KAZN: variants seen among roughly 807,000 people sequenced by gnomAD.
The protein encoded by KAZN is kazrin, periplakin interacting protein.
In KAZN, 40 loss-of-function variants were observed where a neutral mutation model predicts 87.4. That is an observed-to-expected ratio of 0.46 (90% CI 0.36 to 0.60). The LOEUF (loss-of-function observed/expected upper bound fraction) is 0.60, where lower values mean the gene tolerates loss of function less well. KAZN is among the 20% of genes least tolerant of loss of function. The probability of loss-of-function intolerance (pLI) is 0.00; values close to 1 mark genes in which losing one functional copy is unlikely to be tolerated. For missense variants in KAZN, 898 were observed against 1,073.9 expected, an observed-to-expected ratio of 0.84 and a Z score of 2.29; for synonymous variants, 466 against 458.3, an observed-to-expected ratio of 1.02 and a Z score of -0.22.
At chr1:14,199,545 C>T (rs767929345) in intron 2 of KAZN, among the ~76,000 whole-genome samples, 12 of 152,224 alleles carry the variant, frequency 7.9e-5, no homozygotes, top group Non-Finnish European at 1.8e-4. Context: ...CTGGGTTGCA[C>T]CCTCCTTGAG....
intron 1 of KAZN, among the ~76,000 whole-genome samples, chr1:13,902,154 G>A (rs1026004302): frequency 6.6e-6 from 1 of 152,268 alleles, no homozygotes; most frequent in Non-Finnish European, 1.5e-5. Flanking sequence ...GATTTGGTGA[G>A]ATAATGGGGG....
chr1:14,153,122 T>C (rs1645513185), intron 1 of KAZN, among the ~76,000 whole-genome samples: 1 of 152,222 alleles, frequency 6.6e-6, no homozygotes, highest in Non-Finnish European at 1.5e-5. Context: ...AGTTTGTAAA[T>C]ATCGTCTCCC....
chr1:13,914,743 CA>C (rs1378638356), intron 1 of KAZN, among the ~76,000 whole-genome samples: 1 of 152,162 alleles, frequency 6.6e-6, no homozygotes, highest in Non-Finnish European at 1.5e-5. Flanking sequence ...TTTGGAAGGC[CA>C]AATTGGGAGG....
At chr1:13,931,653 A>G (rs1259090050) in intron 1 of KAZN, among the ~76,000 whole-genome samples, 2 of 149,742 alleles carry the variant, frequency 1.3e-5, no homozygotes, top group Non-Finnish European at 3.0e-5. Flanking sequence ...GTGGATAATC[A>G]AAAACATGGC....
intron 1 of KAZN, among the ~76,000 whole-genome samples, chr1:14,768,109 C>A (rs1644931772): frequency 6.6e-6 from 1 of 152,166 alleles, no homozygotes; most frequent in Admixed American, 6.5e-5. Flanking sequence ...AGTCCAAGAT[C>A]AACTCTCACT....
chr1:15,048,535 G>A (rs1673842454), intron 4 of KAZN, among the ~76,000 whole-genome samples: 1 of 152,212 alleles, frequency 6.6e-6, no homozygotes, highest in South Asian at 2.1e-4. Flanking sequence ...CATGGCCAGA[G>A]CCAGCGTTGA....
At chr1:14,025,219 G>T (rs542023209) in intron 1 of KAZN, among the ~76,000 whole-genome samples, 2 of 152,308 alleles carry the variant, frequency 1.3e-5, no homozygotes, top group East Asian at 3.9e-4. Flanking sequence ...AACAGTCACC[G>T]CTAGAGTCTT....
At chr1:14,810,443 C>T (rs991006985) in intron 1 of KAZN, among the ~76,000 whole-genome samples, 4 of 152,150 alleles carry the variant, frequency 2.6e-5, no homozygotes, top group African/African-American at 9.7e-5. Flanking sequence ...AGCCCCCAGC[C>T]ATTGTTTGGC....
chr1:14,587,169 C>T (rs1219163064), intron 2 of KAZN, among the ~76,000 whole-genome samples: 1 of 152,156 alleles, frequency 6.6e-6, no homozygotes, highest in Non-Finnish European at 1.5e-5. Flanking sequence ...GGCGCGGTGG[C>T]TCATGCCTGT....
rs571655140 is a variant in KAZN, at chr1:14,401,826, TAAAAC to T, written c.250-197156_250-197152del. Among the ~76,000 whole-genome samples the T allele has an allele frequency of 4.3e-3, 656 of 152,002 alleles. 3 individuals carry two copies. The highest frequency in any genetic ancestry group is 0.01 in the Middle Eastern group (3 of 294). ...CCACACTTATTTATAATTTAAAAAA[TAAAAC>T]CAAACACCTCTTATCAAACTAGAAA... On this transcript the variant is annotated intron_variant, in intron 2 of 16. Coordinates refer to the KAZN transcript ENST00000636203.
At chr1:14,133,377 A>AAAAGAAAGAAAGAAAGAAAGAAAG (rs149462642) in intron 1 of KAZN, among the ~76,000 whole-genome samples, 1 of 72,098 alleles carries the variant, frequency 1.4e-5, no homozygotes, top group Non-Finnish European at 2.3e-5. Context: ...AAAAAAAAAA[A>AAAAGAAAGAAAGAAAGAAAGAAAG]AAAGAAAGAA....
intron 1 of KAZN, among the ~76,000 whole-genome samples, chr1:14,831,322 C>G (rs952435158): frequency 1.3e-5 from 2 of 152,230 alleles, no homozygotes; most frequent in African/African-American, 4.8e-5. Flanking sequence ...TGGAGAATTC[C>G]TGGCAATCCC....
At chr1:14,177,419 A>C (rs1286308940) in intron 1 of KAZN, among the ~76,000 whole-genome samples, 1 of 152,136 alleles carries the variant, frequency 6.6e-6, no homozygotes, top group African/African-American at 2.4e-5. Context: ...GCCTCAAGTA[A>C]CTTCTTTAAC....
intron 1 of KAZN, among the ~76,000 whole-genome samples, chr1:14,729,160 C>G (rs148321415): frequency 1.8e-4 from 27 of 152,286 alleles, no homozygotes; most frequent in African/African-American, 5.3e-4. Context: ...TGGATACCTT[C>G]GGCCCCTGCC....
intron 2 of KAZN, among the ~76,000 whole-genome samples, chr1:14,548,526 T>C (rs895583667): frequency 1.3e-5 from 2 of 152,198 alleles, no homozygotes; most frequent in African/African-American, 4.8e-5. Context: ...CATTTCGCCA[T>C]ATATGTTTAC....
intron 2 of KAZN, among the ~76,000 whole-genome samples, chr1:14,228,838 G>A (rs1287538051): frequency 6.6e-6 from 1 of 152,198 alleles, no homozygotes; most frequent in Non-Finnish European, 1.5e-5. Context: ...CAGCCAAGGA[G>A]GTATCTGCAT....
intron 4 of KAZN, among the ~76,000 whole-genome samples, chr1:15,051,780 G>T (rs975972161): frequency 2.0e-5 from 3 of 152,124 alleles, no homozygotes; most frequent in Non-Finnish European, 2.9e-5. Flanking sequence ...AACTCCAGAG[G>T]GTGCTGCTTA....
intron 1 of KAZN, among the ~76,000 whole-genome samples, chr1:14,751,963 T>C (rs1474697724): frequency 6.6e-6 from 1 of 152,242 alleles, no homozygotes; most frequent in South Asian, 2.1e-4. Context: ...TGGCTCACCC[T>C]TCTGCGTAAT....
chr1:14,387,218 A>AT (rs898538173), intron 2 of KAZN, among the ~76,000 whole-genome samples: 2 of 151,736 alleles, frequency 1.3e-5, no homozygotes, highest in African/African-American at 4.8e-5. Context: ...ATTCTTCTAA[A>AT]TTTTTTTCAA....
Sources: gnomAD v4.1 joint callset for allele counts (sites outside exome capture counted in the v4.1 genomes callset) on GRCh38, gnomAD v4.1.1 for gene constraint, MANE v1.5 for transcripts, NCBI Gene and HGNC (gene_info 2026-07-23, HGNC 2026-07-21) for gene names.